NCAN: variants seen among roughly 807,000 people sequenced by gnomAD.
NCAN encodes the protein neurocan.
In NCAN, 47 loss-of-function variants were observed where a neutral mutation model predicts 121.8. That is an observed-to-expected ratio of 0.39 (90% CI 0.31 to 0.49). The LOEUF (loss-of-function observed/expected upper bound fraction) is 0.49. Ranked by LOEUF, NCAN falls within the 20% of genes least tolerant of loss-of-function variation. The pLI, the probability that NCAN is intolerant of heterozygous loss-of-function variation, is 0.92. For synonymous variants in NCAN, 633 were observed against 702.0 expected (o/e 0.90, Z 1.55); for missense variants, 1,517 against 1,773.4 (o/e 0.86, Z 2.60).
In NCAN at chr19:19,216,905, G is replaced by C. The variant is rs969384858; in HGVS notation, c.-7-42G>C. ...GCAATGCTGAATATCTGGGAGGGTTGGGCTGTGGCTCACCCCTCCCTCCCT... is the reference window on the plus strand; with the variant it reads ...GCAATGCTGAATATCTGGGAGGGTTCGGCTGTGGCTCACCCCTCCCTCCCT... On this transcript the variant is annotated intron_variant, in intron 1 of 14. Coordinates refer to ENST00000252575, the MANE Select transcript of NCAN (RefSeq NM_004386.3). 3 of 1,189,958 alleles carry C rather than the reference G, an allele frequency of 2.5e-6. No individual in the cohort carries two copies. The African/African-American group carries it at 4.7e-5, about 19-fold the overall frequency. 73.7% of individuals were successfully genotyped at this position (1,189,958 alleles called of 1,614,324 possible).
intron 1 of NCAN, among the ~76,000 whole-genome samples, chr19:19,214,226 A>ACTCT (rs113931325): frequency 0.12 from 17,942 of 151,272 alleles, 1,259 homozygotes; most frequent in East Asian, 0.19. Context: ...ACTCACACAC[A>ACTCT]CTCTCTCACA....
At position 19,240,799 on chromosome 19, in the gene NCAN, G is replaced by A; in HGVS notation, c.3492+114G>A. On this transcript the variant is annotated intron_variant, in intron 12 of 14. Transcript: ENST00000252575. ...CAATTGGGTGTCAGAGGTCTCTAGT[G>A]GCTCCAAGATGCTGGAGTTGGCAAA... 2.0e-6 allele frequency: 2 copies of A among 1,016,842 alleles called. 1 individual carries two copies. Among genetic ancestry groups the A allele is most frequent in the South Asian group, 2.7e-5 (2 of 73,590 alleles). The allele number at this position is 1,016,842 out of a possible 1,614,324, so 63.0% of individuals were successfully genotyped here. A position where few individuals can be genotyped will look rare whatever the true frequency, so the allele number is the denominator to read the frequency against.
At chr19:19,233,558 T>C (rs1480498705) in intron 8 of NCAN, among the ~76,000 whole-genome samples, 1 of 152,174 alleles carries the variant, frequency 6.6e-6, no homozygotes, top group Non-Finnish European at 1.5e-5. Flanking sequence ...GGAAGGACTT[T>C]GCTACAGGCA....
intron 10 of NCAN, among the ~76,000 whole-genome samples, chr19:19,236,426 A>G (rs1157348043): frequency 6.6e-6 from 1 of 152,028 alleles, no homozygotes; most frequent in Non-Finnish European, 1.5e-5. Context: ...GGTTTGATGG[A>G]TATTTGGGTT....
chr19:19,233,408 T>C (rs968827667), intron 8 of NCAN, among the ~76,000 whole-genome samples: 2 of 151,758 alleles, frequency 1.3e-5, no homozygotes, highest in Non-Finnish European at 2.9e-5. Context: ...AGAAGCACAG[T>C]GATGAGCAGG....
rs2060831294 is a variant in NCAN at position 19,225,239 on chromosome 19, C to T, written c.1041C>T (p.Pro347=). ...CTAACCGGACCGGCTTCCCCTCACC[C>T]GCCGAGCGCTTCGACGCCTACTGCT... is the stretch of plus-strand genomic sequence containing the variant. The part of the protein sequence containing the change: ...RFANRTGFPS[P]AERFDAYCFR... The change falls in exon 6 of 15, where the codon CCC becomes CCT. Residue 347 remains proline (P), a synonymous_variant. Coordinates refer to ENST00000252575, the MANE Select transcript of NCAN (RefSeq NM_004386.3). The surrounding 1 kb of genome is among the most constrained non-coding windows in gnomAD (Gnocchi z 4.0). 2 of 1,562,408 alleles carry T rather than the reference C, an allele frequency of 1.3e-6. No individual in the cohort carries two copies. Among genetic ancestry groups the T allele is most frequent in the Middle Eastern group, 1.7e-4 (1 of 5,952 alleles).
intron 5 of NCAN, 111 bp downstream of exon 5, chr19:19,224,544 C>T: frequency 1.4e-6 from 2 of 1,385,684 alleles, no homozygotes; most frequent in East Asian, 2.3e-5. Flanking sequence ...TCTTATACCT[C>T]CCTAAACCTG....
In NCAN at chr19:19,226,920, G is replaced by C. The variant is rs543673332; in HGVS notation, c.1507G>C (p.Gly503Arg). The change falls in exon 7 of 15, where the codon GGG becomes CGG. Residue 503 changes from glycine to arginine, a missense_variant. Physicochemically the swap from Gly to Arg is moderately radical, Grantham distance 125 (BLOSUM62 -2). Coordinates refer to ENST00000252575, the MANE Select transcript of NCAN (RefSeq NM_004386.3). The stretch of plus-strand genomic sequence containing the variant: ...GGAACCGGAGCCGGGGCTGCAAGGG[G>C]GGATGGAGGCCAGCGCCCAGCCCCC... ...QQEPEPGLQGGMEASAQPPTS... is the reference protein window; with the variant it reads ...QQEPEPGLQGRMEASAQPPTS... 1.1e-5 allele frequency: 17 copies of C among 1,598,974 alleles called. No homozygotes were observed. Among genetic ancestry groups the C allele is most frequent in the African/African-American group, 1.3e-5 (1 of 74,690 alleles).
At chr19:19,214,692 CAG>C (rs2060789577) in intron 1 of NCAN, among the ~76,000 whole-genome samples, 2 of 149,760 alleles carry the variant, frequency 1.3e-5, no homozygotes, top group African/African-American at 4.9e-5. Context: ...GGATTAGAAG[CAG>C]AGCTATCTGG....
rs2060833555 is a variant in NCAN, at chr19:19,225,594, C to T, written c.1072+324C>T. Reference sequence around the variant, plus strand: ...AAGCCCCTAGGTGGGGCATACTCTACCTAGAGCCACGCCCATACGCAGAAA... The same window carrying T: ...AAGCCCCTAGGTGGGGCATACTCTATCTAGAGCCACGCCCATACGCAGAAA... On this transcript the variant is annotated intron_variant, in intron 6 of 14. Coordinates refer to ENST00000252575, the MANE Select transcript of NCAN (RefSeq NM_004386.3). This position sits in a 1 kb window ranked among gnomAD's most constrained non-coding sequence, Gnocchi z 4.0. Among the ~76,000 whole-genome samples, 1 of 152,240 alleles carries T rather than the reference C, an allele frequency of 6.6e-6. No individual in the cohort carries two copies. The highest frequency in any genetic ancestry group is 1.5e-5 in the Non-Finnish European group (1 of 68,036).
At position 19,237,488 on chromosome 19, in the gene NCAN, C is replaced by CA. The variant is rs959306790; in HGVS notation, c.3251-752dup. 5.7e-3 allele frequency among the ~76,000 whole-genome samples: 787 copies of CA among 138,788 alleles called. 2 individuals are homozygous for CA. The highest frequency in any genetic ancestry group is 0.015 in the African/African-American group (578 of 37,438). 91.1% of individuals were successfully genotyped at this position (138,788 alleles called of 152,430 possible). On this transcript the variant is annotated intron_variant, in intron 10 of 14. Coordinates refer to ENST00000252575, the MANE Select transcript of NCAN (RefSeq NM_004386.3). ...TGGGCAACAGAGCCAGACTCCATCT[C>CA]AAAAAAAAAAAAATTTTATATATAT...
chr19:19,251,517 CT>C lies in NCAN; in HGVS notation c.*1607del, dbSNP rs2060946128. ...AAGGATTTGGAATAAGGATTTGGTC[CT>C]GTTTTCTGGACCAAATCCTTACTCT... On this transcript the variant is annotated 3_prime_UTR_variant, in exon 15 of 15. Coordinates refer to ENST00000252575, the MANE Select transcript of NCAN (RefSeq NM_004386.3). 6.6e-6 allele frequency: 1 copy of C among 152,138 alleles called. No homozygotes were observed. The highest frequency in any genetic ancestry group is 2.4e-5 in the African/African-American group (1 of 41,420). 9.4% of individuals were successfully genotyped at this position (152,138 alleles called of 1,614,324 possible).
In NCAN at chr19:19,245,342, G is replaced by T; in HGVS notation, c.3522G>T (p.Pro1174=). Residue 1174 remains proline (P), a synonymous_variant, in exon 13 of 15, where the codon CCG becomes CCT. Transcript: ENST00000252575. ...LQFENWRENQ[P]DNFFAGGEDC... is the part of the protein sequence containing the mutation. ...TTGAGAACTGGCGAGAGAACCAGCC[G>T]GACAATTTCTTCGCGGGTGGCGAGG... is the stretch of plus-strand genomic sequence containing the variant. 1 of 1,614,206 alleles carries T rather than the reference G, an allele frequency of 6.2e-7. No homozygotes were observed. Among genetic ancestry groups the T allele is most frequent in the South Asian group, 1.1e-5 (1 of 91,086 alleles).
chr19:19,241,607 C>T (rs574053222), intron 12 of NCAN, among the ~76,000 whole-genome samples: 8 of 151,618 alleles, frequency 5.3e-5, no homozygotes, highest in Non-Finnish European at 8.8e-5. Context: ...GAAGCTGAGG[C>T]GGGAGGATCA....
intron 1 of NCAN, among the ~76,000 whole-genome samples, chr19:19,216,417 T>C (rs2060796166): frequency 6.6e-6 from 1 of 151,976 alleles, no homozygotes; most frequent in African/African-American, 2.4e-5. Flanking sequence ...GTTCAAGTAA[T>C]TCTCCTGCCT....
rs112692457 is a variant in NCAN at position 19,249,563 on chromosome 19, C to T, written c.3821-203C>T. Among the ~76,000 whole-genome samples the T allele has an allele frequency of 6.8e-4, 104 of 152,170 alleles. 1 individual carries two copies. The highest frequency in any genetic ancestry group is 2.5e-3 in the African/African-American group (102 of 41,508). On this transcript the variant is annotated intron_variant, in intron 14 of 14. Transcript: ENST00000252575. ...TTTTATTTTTGTAGAGATAGGTTCT[C>T]GCTATGTTGCCCAAGCTGGTCTCAA...
intron 5 of NCAN, among the ~76,000 whole-genome samples, 172 bp from the exon 6 acceptor site, chr19:19,224,805 G>A (rs1314891381): frequency 1.3e-5 from 2 of 152,192 alleles, no homozygotes; most frequent in Non-Finnish European, 2.9e-5. Context: ...CTCTGCATGA[G>A]AGGTAAGGAC....
intron 1 of NCAN, among the ~76,000 whole-genome samples, chr19:19,214,741 T>G (rs1241789231): frequency 1.3e-5 from 2 of 150,836 alleles, no homozygotes; most frequent in Non-Finnish European, 3.0e-5. Flanking sequence ...TGTGTGTGTG[T>G]GTGTGTGTGT....
Position 19,236,606 on chromosome 19 carries a change from T to G in NCAN, c.3250+1510T>G, listed in dbSNP as rs192337694. 3.6e-3 allele frequency among the ~76,000 whole-genome samples: 551 copies of G among 152,268 alleles called. 1 individual carries two copies. The highest frequency in any genetic ancestry group is 0.01 in the Middle Eastern group (3 of 294). On this transcript the variant is annotated intron_variant, in intron 10 of 14. Coordinates refer to ENST00000252575, the MANE Select transcript of NCAN (RefSeq NM_004386.3). ...GTAACTCTAGGTTTAATTTACTTTT[T>G]TTTTGTAGAGATGGGGTTTTGCCAT...
Sources: gnomAD v4.1 joint callset for allele counts (sites outside exome capture counted in the v4.1 genomes callset) on GRCh38, gnomAD v4.1.1 for gene constraint, Gnocchi (gnomAD v3.1) non-coding constraint, MANE v1.5 for transcripts, NCBI Gene and HGNC (gene_info 2026-07-23, HGNC 2026-07-21) for gene names.